C19orf47: variants seen among roughly 807,000 people sequenced by gnomAD.
C19orf47 encodes the protein uncharacterized protein C19orf47.
C19orf47 carries 18 observed loss-of-function variants against 32.3 expected under a neutral mutation model. That is an observed-to-expected ratio of 0.56 (90% CI 0.39 to 0.83). The LOEUF (loss-of-function observed/expected upper bound fraction) is 0.83. Among genes scored for constraint, C19orf47 ranks in the 40% least tolerant of loss-of-function variants. The pLI, the probability that C19orf47 is intolerant of heterozygous loss-of-function variation, is 0.00. For synonymous variants in C19orf47, 202 were observed against 211.1 expected (o/e 0.96, Z 0.37); for missense variants, 484 against 531.6 (o/e 0.91, Z 0.88).
At chr19:40,294,061 A>G in the C19orf47 span, among the ~76,000 whole-genome samples, 1 of 152,116 alleles carries the variant, frequency 6.6e-6, no homozygotes, top group African/African-American at 2.4e-5. Context: ...CGGAGGTTGC[A>G]GTGTACTGAG....
intron 6 of C19orf47, among the ~76,000 whole-genome samples, chr19:40,328,196 G>A (rs1194505709): frequency 6.6e-6 from 1 of 152,144 alleles, no homozygotes; most frequent in Admixed American, 6.6e-5. Flanking sequence ...ATCCTCCTGG[G>A]TGGGGTATCG....
the C19orf47 span, among the ~76,000 whole-genome samples, chr19:40,295,181 C>T: frequency 6.6e-6 from 1 of 152,156 alleles, no homozygotes; most frequent in South Asian, 2.1e-4. Context: ...GCTACCACGC[C>T]CAGCTAATTT....
intron 1 of C19orf47, among the ~76,000 whole-genome samples, chr19:40,342,649 T>G (rs1310762302): frequency 6.6e-6 from 1 of 151,876 alleles, no homozygotes; most frequent in African/African-American, 2.4e-5. Context: ...ATGGAGGACC[T>G]GGGAAGGGAG....
downstream of C19orf47, among the ~76,000 whole-genome samples, chr19:40,314,851 G>A (rs2077651724): frequency 6.6e-6 from 1 of 152,158 alleles, no homozygotes; most frequent in Admixed American, 6.5e-5. Flanking sequence ...TGTGGTCAGT[G>A]TGTCCCCTTG....
At chr19:40,293,527 G>A in the C19orf47 span, among the ~76,000 whole-genome samples, 1 of 151,572 alleles carries the variant, frequency 6.6e-6, no homozygotes, top group Non-Finnish European at 1.5e-5. Flanking sequence ...GTGCAATGAT[G>A]CGATCTTGGC....
intron 1 of C19orf47, among the ~76,000 whole-genome samples, chr19:40,348,071 C>T (rs767990589): frequency 1.4e-4 from 22 of 152,124 alleles, no homozygotes; most frequent in Non-Finnish European, 3.1e-4. Context: ...AGTATAGTAA[C>T]GAAGTGAGCG....
chr19:40,331,299 G>C (rs1432948098), intron 5 of C19orf47, among the ~76,000 whole-genome samples: 1 of 152,250 alleles, frequency 6.6e-6, no homozygotes, highest in East Asian at 1.9e-4. Context: ...TAGCCAGCTA[G>C]ATAATTATGG....
At chr19:40,331,469 G>A (rs901678356) in intron 5 of C19orf47, among the ~76,000 whole-genome samples, 7 of 152,210 alleles carry the variant, frequency 4.6e-5, no homozygotes, top group Non-Finnish European at 7.3e-5. Flanking sequence ...ACAAAATCAT[G>A]AGAAATAAAC....
chr19:40,313,930 C>CA, the C19orf47 span, among the ~76,000 whole-genome samples: 195 of 128,546 alleles, frequency 1.5e-3, 2 homozygotes, highest in East Asian at 0.011. Flanking sequence ...GACTCTGTCT[C>CA]AAAAAAAAAA....
chr19:40,295,025 CT>C, the C19orf47 span, among the ~76,000 whole-genome samples: 1 of 152,112 alleles, frequency 6.6e-6, no homozygotes, highest in Non-Finnish European at 1.5e-5. Context: ...TCTTTGCTTT[CT>C]TTTTTTCTTT....
chr19:40,322,058 C>G lies in C19orf47; in HGVS notation c.982G>C (p.Ala328Pro), dbSNP rs2077728911. 1 of 1,614,068 alleles carries G rather than the reference C, an allele frequency of 6.2e-7. No homozygotes were observed. The highest frequency in any genetic ancestry group is 1.7e-5 in the Admixed American group (1 of 60,010). ...RLGAAALVPE[A>P]QDSQVTSTKS... ...GTGCTGGTGACCTGGCTGTCCTGGG[C>G]CTCGGGCACAAGGGCAGCTGCGCCC... Residue 328 changes from alanine to proline, a missense_variant, in exon 9 of 9, where the codon GCC becomes CCC. Coordinates refer to ENST00000683109, the MANE Select transcript of C19orf47 (RefSeq NM_001256441.2).
chr19:40,324,254 T>G (rs529714275), intron 7 of C19orf47, 178 bp from the exon 8 acceptor site: 7 of 633,084 alleles, frequency 1.1e-5, no homozygotes, highest in Admixed American at 2.5e-5. Context: ...CCCACCCCTA[T>G]CTGGCTAGAG....
At chr19:40,316,067 T>C (rs749562521), downstream of C19orf47, among the ~76,000 whole-genome samples, 1 of 151,984 alleles carries the variant, frequency 6.6e-6, no homozygotes, top group Non-Finnish European at 1.5e-5. Flanking sequence ...TCTCCTCTGC[T>C]GCAGGACCCC....
the C19orf47 span, among the ~76,000 whole-genome samples, chr19:40,304,999 T>G: frequency 6.6e-6 from 1 of 150,558 alleles, no homozygotes; most frequent in Non-Finnish European, 1.5e-5. Flanking sequence ...AAAGCTGAGG[T>G]GGGCGGATCA....
chr19:40,329,566 C>T (rs1039052550), intron 5 of C19orf47, among the ~76,000 whole-genome samples: 1 of 152,072 alleles, frequency 6.6e-6, no homozygotes, highest in African/African-American at 2.4e-5. Context: ...TTTAATAAAA[C>T]GTGACCCCCA....
chr19:40,338,174 A>G (rs543613103), intron 2 of C19orf47, among the ~76,000 whole-genome samples: 5 of 151,424 alleles, frequency 3.3e-5, no homozygotes. Context: ...TCCTGGGCTC[A>G]AGCGATCTTC....
chr19:40,348,491 C>G, upstream of C19orf47: 1 of 1,497,422 alleles, frequency 6.7e-7, no homozygotes, highest in Non-Finnish European at 8.8e-7. Context: ...AGGCCGCCAC[C>G]AGCGAGAGTG....
intron 7 of C19orf47, among the ~76,000 whole-genome samples, chr19:40,325,808 C>G (rs2145531634): frequency 6.6e-6 from 1 of 152,190 alleles, no homozygotes; most frequent in South Asian, 2.1e-4. Context: ...AGGCATGGGC[C>G]ACCGCGCCCA....
chr19:40,296,639 C>T, the C19orf47 span, among the ~76,000 whole-genome samples: 8 of 152,190 alleles, frequency 5.3e-5, no homozygotes, highest in South Asian at 6.2e-4. Context: ...GTGGGCCAGG[C>T]GCAGTGGCTC....
Sources: allele counts gnomAD v4.1 joint callset (sites outside exome capture counted in the v4.1 genomes callset), GRCh38; gene constraint gnomAD v4.1.1; transcripts MANE v1.5; gene names NCBI Gene and HGNC (gene_info 2026-07-23, HGNC 2026-07-21).